PCDH11X: variants seen among roughly 807,000 people sequenced by gnomAD.
PCDH11X encodes protocadherin-11 X-linked.
Under a neutral mutation model 53.3 loss-of-function variants are expected in PCDH11X, and 18 were observed. The ratio of observed to expected loss-of-function variants is 0.34; its 90% CI spans 0.23 to 0.50. The LOEUF is 0.50. Among genes scored for constraint, PCDH11X ranks in the 20% least tolerant of loss-of-function variants. PCDH11X has a pLI of 0.98. For missense variants in PCDH11X, 570 were observed against 1,032.4 expected, an observed-to-expected ratio of 0.55 and a Z score of 6.14; for synonymous variants, 279 against 393.3, an observed-to-expected ratio of 0.71 and a Z score of 3.44.
At chrX:92,038,981 T>C (rs1247293883) in intron 6 of PCDH11X, among the ~76,000 whole-genome samples, 2 of 111,788 alleles carry the variant, frequency 1.8e-5, no homozygotes, top group Non-Finnish European at 3.8e-5. Flanking sequence ...TGGATATGTC[T>C]TTATCAGCAG....
At chrX:91,811,674 C>A (rs913917999) in intron 4 of PCDH11X, among the ~76,000 whole-genome samples, 3 of 107,744 alleles carry the variant, frequency 2.8e-5, no homozygotes, top group African/African-American at 1.0e-4. Flanking sequence ...GCAAAGATGT[C>A]TTTAGGACCA....
At chrX:92,157,072 A>T (rs192187644) in intron 6 of PCDH11X, among the ~76,000 whole-genome samples, 2 of 112,072 alleles carry the variant, frequency 1.8e-5, no homozygotes, top group African/African-American at 6.5e-5. Context: ...ATGCCAAAAC[A>T]TAGGTTTAAT....
intron 8 of PCDH11X, among the ~76,000 whole-genome samples, chrX:92,295,452 T>A (rs1223605726): frequency 9.1e-6 from 1 of 110,494 alleles, no homozygotes; most frequent in Non-Finnish European, 1.9e-5. Context: ...TTTTACTTCT[T>A]CCTTTCCAAT....
chrX:92,353,353 T>C (rs2148529115), intron 8 of PCDH11X, among the ~76,000 whole-genome samples: 1 of 112,243 alleles, frequency 8.9e-6, no homozygotes, highest in African/African-American at 3.2e-5. Flanking sequence ...GTATGATGTT[T>C]ACTTTACTGC....
At chrX:92,209,736 C>T (rs1164197672) in intron 7 of PCDH11X, among the ~76,000 whole-genome samples, 1 of 112,560 alleles carries the variant, frequency 8.9e-6, no homozygotes. Context: ...GCTCCAACCC[C>T]ACATATCCCC....
intron 8 of PCDH11X, among the ~76,000 whole-genome samples, chrX:92,279,007 C>G (rs1272259197): frequency 9.1e-6 from 1 of 110,201 alleles, no homozygotes; most frequent in Non-Finnish European, 1.9e-5. Flanking sequence ...GACAGGGTTT[C>G]TCCGTGTTGG....
intron 8 of PCDH11X, 35 bp downstream of exon 8, chrX:92,263,178 A>C (rs377576154): frequency 6.1e-5 from 69 of 1,137,309 alleles, no homozygotes; most frequent in Non-Finnish European, 7.9e-5. Context: ...ATTGATTTTG[A>C]AATGTTGTGT....
chrX:92,097,648 T>A (rs1031307948), intron 6 of PCDH11X, among the ~76,000 whole-genome samples: 1 of 110,692 alleles, frequency 9.0e-6, no homozygotes, highest in Admixed American at 9.8e-5. Flanking sequence ...AAATGAGTTA[T>A]GAATTATGCA....
At chrX:92,132,651 A>ATGTGTATATATATG (rs1213584222) in intron 6 of PCDH11X, among the ~76,000 whole-genome samples, 1 of 57,012 alleles carries the variant, frequency 1.8e-5, no homozygotes, top group Non-Finnish European at 2.8e-5. Flanking sequence ...ATATATATAT[A>ATGTGTATATATATG]TATATGTATA....
At chrX:92,228,466 T>C (rs952889766) in intron 7 of PCDH11X, among the ~76,000 whole-genome samples, 2 of 111,471 alleles carry the variant, frequency 1.8e-5, no homozygotes, top group Non-Finnish European at 3.8e-5. Context: ...ATTCAGCTTC[T>C]CTTTTGGGGA....
intron 8 of PCDH11X, among the ~76,000 whole-genome samples, chrX:92,380,568 G>T (rs952376160): frequency 1.8e-5 from 2 of 112,054 alleles, no homozygotes; most frequent in African/African-American, 6.5e-5. Flanking sequence ...GCTACTGGTT[G>T]CTGTAGCTAG....
intron 6 of PCDH11X, among the ~76,000 whole-genome samples, chrX:91,984,323 G>T (rs1319675500): frequency 1.0e-5 from 1 of 100,142 alleles, no homozygotes; most frequent in Non-Finnish European, 2.0e-5. Context: ...GAATATGTGT[G>T]AACTTTTGTC....
intron 7 of PCDH11X, among the ~76,000 whole-genome samples, chrX:92,246,090 G>A (rs1186787558): frequency 9.0e-6 from 1 of 111,174 alleles, no homozygotes; most frequent in Non-Finnish European, 1.9e-5. Context: ...TGCCTATACT[G>A]TAGAAACATA....
Position 91,878,565 on chromosome X carries a change from G to A in PCDH11X, c.2325G>A (p.Ser775=), listed in dbSNP as rs140868736. 2.2e-5 allele frequency: 27 copies of A among 1,209,108 alleles called. 1 individual carries two copies. The highest frequency in any genetic ancestry group is 1.4e-4 in the South Asian group (8 of 56,711). Residue 775 remains serine (S), a synonymous_variant, in exon 6 of 11, where the codon TCG becomes TCA. Transcript: ENST00000682573. ...VVIVNLFVNE[S]VTNATLINEL... ...TTGTCAATCTGTTCGTGAATGAGTC[G>A]GTGACCAATGCTACACTGATTAATG...
At chrX:92,489,966 AT>A (rs1345948662) in intron 10 of PCDH11X, among the ~76,000 whole-genome samples, 6 of 104,107 alleles carry the variant, frequency 5.8e-5, no homozygotes, top group Non-Finnish European at 9.8e-5. Context: ...AAAAACAACA[AT>A]AACGACATAA....
intron 6 of PCDH11X, among the ~76,000 whole-genome samples, chrX:92,198,410 CA>C (rs148083122): frequency 0.12 from 3,813 of 31,283 alleles, 212 homozygotes; most frequent in African/African-American, 0.33. Context: ...GATCCTGTCT[CA>C]AAAAAAAAAA....
intron 7 of PCDH11X, among the ~76,000 whole-genome samples, chrX:92,215,163 C>A (rs1456885269): frequency 9.0e-6 from 1 of 110,797 alleles, no homozygotes; most frequent in Non-Finnish European, 1.9e-5. Context: ...ATCTGAGGTA[C>A]CGGGTTCATC....
At chrX:92,516,433 A>G (rs1375904096) in intron 10 of PCDH11X, among the ~76,000 whole-genome samples, 1 of 112,179 alleles carries the variant, frequency 8.9e-6, no homozygotes, top group South Asian at 3.7e-4. Flanking sequence ...CTTTTTGTTA[A>G]CAGAAGTGGA....
chrX:92,377,858 G>A, intron 8 of PCDH11X, among the ~76,000 whole-genome samples: 1 of 100,349 alleles, frequency 1.0e-5, no homozygotes, highest in Non-Finnish European at 2.1e-5. Context: ...TATAGTTAAT[G>A]GATGTAGTGG....
Sources: allele counts gnomAD v4.1 joint callset (sites outside exome capture counted in the v4.1 genomes callset), GRCh38; gene constraint gnomAD v4.1.1; transcripts MANE v1.5; gene names NCBI Gene and HGNC (gene_info 2026-07-23, HGNC 2026-07-21).